The following ADAMTS6 variants were observed in gnomAD, a reference collection of about 807,000 sequenced individuals.
ADAMTS6 encodes A disintegrin and metalloproteinase with thrombospondin motifs 6.
ADAMTS6 carries 23 observed loss-of-function variants against 144.3 expected under a neutral mutation model. That is an observed-to-expected ratio of 0.16 (90% CI 0.11 to 0.23). The LOEUF (loss-of-function observed/expected upper bound fraction) is 0.23. Among genes scored for constraint, ADAMTS6 ranks in the 10% least tolerant of loss-of-function variants. The pLI, the probability that ADAMTS6 is intolerant of heterozygous loss-of-function variation, is 1.00. For synonymous variants in ADAMTS6, 444 were observed against 457.5 expected (o/e 0.97, Z 0.38); for missense variants, 999 against 1,379.6 (o/e 0.72, Z 4.37).
At chr5:65,297,684 T>A (rs1266728403) in intron 10 of ADAMTS6, among the ~76,000 whole-genome samples, 1 of 152,164 alleles carries the variant, frequency 6.6e-6, no homozygotes, top group Non-Finnish European at 1.5e-5. Context: ...ACAAAGAAAT[T>A]CAAGAAAGTT....
chr5:65,363,964 C>T (rs145874709), intron 7 of ADAMTS6, among the ~76,000 whole-genome samples: 1 of 152,228 alleles, frequency 6.6e-6, no homozygotes, highest in African/African-American at 2.4e-5. Flanking sequence ...TTGATCTAAG[C>T]CATAACTTAA....
At chr5:65,407,331 T>G (rs1451426482) in intron 7 of ADAMTS6, among the ~76,000 whole-genome samples, 1 of 151,200 alleles carries the variant, frequency 6.6e-6, no homozygotes, top group African/African-American at 2.4e-5. Flanking sequence ...GGGCCAATAT[T>G]CAATGTTCTT....
intron 7 of ADAMTS6, among the ~76,000 whole-genome samples, chr5:65,366,885 T>C (rs150788415): frequency 1.3e-5 from 2 of 151,932 alleles, no homozygotes; most frequent in South Asian, 4.1e-4. Flanking sequence ...CAAAAGAAAA[T>C]AAATTTTAGC....
intron 22 of ADAMTS6, among the ~76,000 whole-genome samples, chr5:65,181,258 C>A (rs1345976449): frequency 6.6e-6 from 1 of 152,124 alleles, no homozygotes; most frequent in Non-Finnish European, 1.5e-5. Flanking sequence ...AGACCTAATC[C>A]AAGTCTTTGA....
intron 7 of ADAMTS6, among the ~76,000 whole-genome samples, chr5:65,427,612 C>T (rs1756652738): frequency 6.6e-6 from 1 of 151,980 alleles, no homozygotes; most frequent in South Asian, 2.1e-4. Context: ...TCGTGGCTAA[C>T]ATGGTGAAAC....
chr5:65,378,237 A>G (rs1386753026), intron 7 of ADAMTS6, among the ~76,000 whole-genome samples: 1 of 152,206 alleles, frequency 6.6e-6, no homozygotes, highest in Non-Finnish European at 1.5e-5. Context: ...TGTTGCTTCA[A>G]ATATAAAAAG....
At chr5:65,211,846 G>A (rs1326373651) in intron 20 of ADAMTS6, among the ~76,000 whole-genome samples, 1 of 152,094 alleles carries the variant, frequency 6.6e-6, no homozygotes, top group Non-Finnish European at 1.5e-5. Context: ...CTAGCATTTT[G>A]GGAGGCCACC....
At chr5:65,189,603 T>C (rs1362383426) in intron 21 of ADAMTS6, among the ~76,000 whole-genome samples, 1 of 152,236 alleles carries the variant, frequency 6.6e-6, no homozygotes, top group Non-Finnish European at 1.5e-5. Context: ...GTTGAAGTTT[T>C]GTTATCTGAA....
In ADAMTS6 at chr5:65,455,190, T is replaced by C. The variant is rs149172130; in HGVS notation, c.632-2272A>G. Among the ~76,000 whole-genome samples, 1,094 of 152,318 alleles carry C rather than the reference T, an allele frequency of 7.2e-3. 13 individuals carry two copies. The highest frequency in any genetic ancestry group is 0.025 in the African/African-American group (1,029 of 41,554). On this transcript the variant is annotated intron_variant, in intron 4 of 24. Coordinates refer to ENST00000381055, the MANE Select transcript of ADAMTS6 (RefSeq NM_197941.4). The stretch of plus-strand genomic sequence containing the variant: ...CAATTTCTCCTTTTTATTTAAAATA[T>C]TGTGAAAATAATTAGACATTATTGT...
intron 12 of ADAMTS6, among the ~76,000 whole-genome samples, chr5:65,268,728 G>A (rs1447458755): frequency 1.3e-5 from 2 of 152,064 alleles, no homozygotes; most frequent in Non-Finnish European, 2.9e-5. Context: ...TAATTTTTTG[G>A]CCATATTTCT....
chr5:65,276,777 G>A (rs1222459148), intron 11 of ADAMTS6, among the ~76,000 whole-genome samples: 1 of 152,198 alleles, frequency 6.6e-6, no homozygotes, highest in Non-Finnish European at 1.5e-5. Flanking sequence ...GAATTTGCAT[G>A]GCAACCATCA....
chr5:65,178,535 T>A (rs1754125211), intron 22 of ADAMTS6, among the ~76,000 whole-genome samples: 1 of 152,212 alleles, frequency 6.6e-6, no homozygotes, highest in African/African-American at 2.4e-5. Flanking sequence ...TTACACCCTA[T>A]GTGTCAGAAA....
At chr5:65,460,055 T>A in intron 4 of ADAMTS6, 115 bp downstream of exon 4, 1 of 1,165,924 alleles carries the variant, frequency 8.6e-7, no homozygotes. Context: ...CTGGACATTA[T>A]AATTGTAGTC....
intron 7 of ADAMTS6, among the ~76,000 whole-genome samples, chr5:65,379,388 T>C (rs1021416001): frequency 1.3e-5 from 2 of 152,198 alleles, no homozygotes; most frequent in East Asian, 1.9e-4. Context: ...CTTCTACATA[T>C]GTAAACACAT....
intron 3 of ADAMTS6, among the ~76,000 whole-genome samples, chr5:65,460,935 A>G (rs1313231366): frequency 2.0e-5 from 3 of 152,216 alleles, no homozygotes; most frequent in Non-Finnish European, 4.4e-5. Context: ...TATTGTGACA[A>G]ATCATTGACA....
At chr5:65,364,159 C>T (rs1750082416) in intron 7 of ADAMTS6, among the ~76,000 whole-genome samples, 1 of 152,132 alleles carries the variant, frequency 6.6e-6, no homozygotes, top group Non-Finnish European at 1.5e-5. Flanking sequence ...AAACTACCCT[C>T]AATTTGACTG....
intron 7 of ADAMTS6, among the ~76,000 whole-genome samples, chr5:65,347,660 A>T (rs1748467275): frequency 1.3e-5 from 2 of 152,116 alleles, no homozygotes; most frequent in South Asian, 4.1e-4. Flanking sequence ...ACGGGATTAT[A>T]TCAAATGAAA....
At chr5:65,281,901 TC>T (rs1209407669) in intron 11 of ADAMTS6, among the ~76,000 whole-genome samples, 1 of 152,130 alleles carries the variant, frequency 6.6e-6, no homozygotes, top group Non-Finnish European at 1.5e-5. Context: ...TCTAATGTTT[TC>T]ATTATTTTTA....
chr5:65,418,681 C>T (rs1032544224), intron 7 of ADAMTS6, among the ~76,000 whole-genome samples: 1 of 151,950 alleles, frequency 6.6e-6, no homozygotes, highest in Non-Finnish European at 1.5e-5. Context: ...CCAGAATCTA[C>T]CAGGAACTTA....
Sources: allele counts gnomAD v4.1 joint callset (sites outside exome capture counted in the v4.1 genomes callset), GRCh38; gene constraint gnomAD v4.1.1; transcripts MANE v1.5; gene names NCBI Gene and HGNC (gene_info 2026-07-23, HGNC 2026-07-21).